Variants in SHROOM3 observed in about 807,000 individuals in gnomAD.
SHROOM3 encodes protein Shroom3.
A neutral mutation model predicts 138.6 loss-of-function variants in SHROOM3; 47 were observed. The observed-to-expected ratio is 0.34, with a 90% CI of 0.27 to 0.43. The LOEUF (loss-of-function observed/expected upper bound fraction) is 0.43. SHROOM3 is among the 20% of genes least tolerant of loss of function. SHROOM3 has a pLI of 1.00. For missense variants in SHROOM3, 2,491 were observed against 2,596.5 expected, an observed-to-expected ratio of 0.96 and a Z score of 0.88; for synonymous variants, 1,062 against 1,063.3, an observed-to-expected ratio of 1.00 and a Z score of 0.02.
chr4:76,687,211 C>T (rs368222116), intron 2 of SHROOM3, among the ~76,000 whole-genome samples: 1 of 152,168 alleles, frequency 6.6e-6, no homozygotes, highest in Admixed American at 6.5e-5. Context: ...CATGCACACC[C>T]TTTCTAAGAC....
chr4:76,650,833 G>A (rs1735940320), intron 2 of SHROOM3, among the ~76,000 whole-genome samples: 2 of 152,242 alleles, frequency 1.3e-5, no homozygotes, highest in Middle Eastern at 3.4e-3. Context: ...ATGAGCCACT[G>A]CGCTGGCCTC....
intron 4 of SHROOM3, among the ~76,000 whole-genome samples, chr4:76,731,378 A>G (rs927569649): frequency 1.3e-5 from 2 of 152,206 alleles, no homozygotes; most frequent in African/African-American, 4.8e-5. Context: ...CTCCAACGGC[A>G]CAACTAATGT....
chr4:76,508,202 A>G (rs1011739568), intron 1 of SHROOM3, among the ~76,000 whole-genome samples: 1 of 135,702 alleles, frequency 7.4e-6, no homozygotes, highest in Non-Finnish European at 1.5e-5. Flanking sequence ...TCTTACATTC[A>G]GGTTTTTTTT....
chr4:76,545,858 G>A (rs1372980709), intron 1 of SHROOM3, among the ~76,000 whole-genome samples: 1 of 152,172 alleles, frequency 6.6e-6, no homozygotes, highest in Admixed American at 6.5e-5. Context: ...AGTATTGGAA[G>A]TGGGATTTAT....
At chr4:76,545,352 C>T (rs955820875) in intron 1 of SHROOM3, among the ~76,000 whole-genome samples, 1 of 152,108 alleles carries the variant, frequency 6.6e-6, no homozygotes, top group Non-Finnish European at 1.5e-5. Flanking sequence ...CTCCTTCCTC[C>T]CAGGGAGCTG....
intron 2 of SHROOM3, among the ~76,000 whole-genome samples, chr4:76,561,163 C>T (rs2110032618): frequency 6.6e-6 from 1 of 152,170 alleles, no homozygotes; most frequent in Admixed American, 6.5e-5. Flanking sequence ...CCAAAGCTTT[C>T]CATCACCTCT....
intron 2 of SHROOM3, among the ~76,000 whole-genome samples, chr4:76,577,709 G>A (rs1733969842): frequency 6.6e-6 from 1 of 152,152 alleles, no homozygotes; most frequent in African/African-American, 2.4e-5. Flanking sequence ...TCACAATCCA[G>A]TTGCTAACAT....
chr4:76,652,750 T>TCC (rs1374796893), intron 2 of SHROOM3, among the ~76,000 whole-genome samples: 3 of 109,600 alleles, frequency 2.7e-5, no homozygotes, highest in Admixed American at 9.3e-5. Context: ...CACTTGAGTC[T>TCC]CCCTCTCTCT....
intron 1 of SHROOM3, among the ~76,000 whole-genome samples, chr4:76,546,874 G>T (rs1305298054): frequency 3.3e-5 from 5 of 152,174 alleles, no homozygotes; most frequent in African/African-American, 7.2e-5. Context: ...GAAAGGCAAA[G>T]AAATCATTCA....
intron 2 of SHROOM3, among the ~76,000 whole-genome samples, chr4:76,615,263 T>C (rs994939849): frequency 6.6e-6 from 1 of 152,210 alleles, no homozygotes; most frequent in Non-Finnish European, 1.5e-5. Flanking sequence ...AAAGCATAGT[T>C]AATGGATTTG....
At chr4:76,555,401 G>A (rs962943883) in intron 1 of SHROOM3, among the ~76,000 whole-genome samples, 1 of 152,110 alleles carries the variant, frequency 6.6e-6, no homozygotes, top group Non-Finnish European at 1.5e-5. Context: ...CCCTCCCTGG[G>A]CAGGCAGGGT....
At chr4:76,680,015 G>C (rs537588860) in intron 2 of SHROOM3, among the ~76,000 whole-genome samples, 1 of 152,326 alleles carries the variant, frequency 6.6e-6, no homozygotes, top group South Asian at 2.1e-4. Context: ...GCAGCTGTTA[G>C]TAATTCACAT....
Position 76,555,025 on chromosome 4 carries a change from G to T in SHROOM3, c.169-584G>T, listed in dbSNP as rs187858502. Reference sequence around the variant, plus strand: ...CTGTCACTATCTCTCATCGCCCCCAGTGGGACCATCTAGTTGCGGGAAACA... The same window carrying T: ...CTGTCACTATCTCTCATCGCCCCCATTGGGACCATCTAGTTGCGGGAAACA... On this transcript the variant is annotated intron_variant, in intron 1 of 10. Transcript: ENST00000296043. 1.5e-4 allele frequency among the ~76,000 whole-genome samples: 22 copies of T among 151,590 alleles called. No homozygotes were observed. In the East Asian group the frequency reaches 4.1e-3, roughly 28 times the overall value.
At chr4:76,555,092 A>C (rs1183057155) in intron 1 of SHROOM3, among the ~76,000 whole-genome samples, 1 of 151,838 alleles carries the variant, frequency 6.6e-6, no homozygotes, top group East Asian at 1.9e-4. Flanking sequence ...TGAGTTGTAT[A>C]ATTATTTCAT....
intron 1 of SHROOM3, among the ~76,000 whole-genome samples, chr4:76,451,943 G>A (rs1304727537): frequency 6.6e-6 from 1 of 152,186 alleles, no homozygotes; most frequent in East Asian, 1.9e-4. Context: ...TTGGGCTCAA[G>A]CCATCCTCCT....
At chr4:76,645,799 C>G (rs1456961163) in intron 2 of SHROOM3, among the ~76,000 whole-genome samples, 1 of 152,122 alleles carries the variant, frequency 6.6e-6, no homozygotes, top group African/African-American at 2.4e-5. Context: ...TATATACATG[C>G]AAATAGTCCA....
chr4:76,673,235 A>T lies in SHROOM3; in HGVS notation c.324-36921A>T, dbSNP rs1023659118. Among the ~76,000 whole-genome samples, 3 of 152,180 alleles carry T rather than the reference A, an allele frequency of 2.0e-5. No individual in the cohort carries two copies. In the South Asian group the frequency reaches 6.2e-4, roughly 32 times the overall value. ...TTTGCCTGTCGCCATGACTGTCTTCAACGGTTAGCTCTATGAATCTCTATC... is the reference window on the plus strand; with the variant it reads ...TTTGCCTGTCGCCATGACTGTCTTCTACGGTTAGCTCTATGAATCTCTATC... On this transcript the variant is annotated intron_variant, in intron 2 of 10. Coordinates refer to ENST00000296043, the MANE Select transcript of SHROOM3 (RefSeq NM_020859.4).
At chr4:76,511,659 G>C (rs1453965516) in intron 1 of SHROOM3, among the ~76,000 whole-genome samples, 1 of 152,240 alleles carries the variant, frequency 6.6e-6, no homozygotes, top group South Asian at 2.1e-4. Flanking sequence ...AGGATTTGCA[G>C]TATGGGGGCT....
intron 2 of SHROOM3, among the ~76,000 whole-genome samples, chr4:76,590,208 G>C (rs904854040): frequency 6.6e-6 from 1 of 152,104 alleles, no homozygotes; most frequent in African/African-American, 2.4e-5. Flanking sequence ...GCGGGTTGCT[G>C]GTAAAGTTTT....
Sources: allele counts gnomAD v4.1 joint callset (sites outside exome capture counted in the v4.1 genomes callset), GRCh38; gene constraint gnomAD v4.1.1; transcripts MANE v1.5; gene names NCBI Gene and HGNC (gene_info 2026-07-23, HGNC 2026-07-21).